SIPA1L1: variants seen among roughly 807,000 people sequenced by gnomAD.
The protein encoded by SIPA1L1 is signal induced proliferation associated 1 like 1.
Under a neutral mutation model 162.7 loss-of-function variants are expected in SIPA1L1, and 26 were observed. The observed-to-expected ratio is 0.16, with a 90% CI of 0.12 to 0.22. The LOEUF (loss-of-function observed/expected upper bound fraction) is 0.22, where lower values mean the gene tolerates loss of function less well. Among genes scored for constraint, SIPA1L1 ranks in the 10% least tolerant of loss-of-function variants. The pLI, the probability that SIPA1L1 is intolerant of heterozygous loss-of-function variation, is 1.00. For synonymous variants in SIPA1L1, 829 were observed against 837.4 expected (o/e 0.99, Z 0.17); for missense variants, 1,874 against 2,241.0 (o/e 0.84, Z 3.31).
At chr14:71,474,008 G>A (rs1441567232) in intron 2 of SIPA1L1, among the ~76,000 whole-genome samples, 1 of 152,216 alleles carries the variant, frequency 6.6e-6, no homozygotes, top group Non-Finnish European at 1.5e-5. Context: ...CTTCCATAGT[G>A]CAAAGGGTCC....
intron 2 of SIPA1L1, among the ~76,000 whole-genome samples, chr14:71,378,154 T>C (rs1045513178): frequency 5.3e-5 from 8 of 152,160 alleles, no homozygotes; most frequent in Non-Finnish European, 7.3e-5. Context: ...GTTTTGTTGA[T>C]ATGGTACTTT....
At chr14:71,412,013 C>T (rs1322467982) in intron 2 of SIPA1L1, among the ~76,000 whole-genome samples, 1 of 152,202 alleles carries the variant, frequency 6.6e-6, no homozygotes, top group Non-Finnish European at 1.5e-5. Flanking sequence ...TGCAGATCAG[C>T]TGCCAGCCAT....
intron 2 of SIPA1L1, among the ~76,000 whole-genome samples, chr14:71,487,028 A>T (rs1232478635): frequency 6.6e-6 from 1 of 152,194 alleles, no homozygotes; most frequent in Non-Finnish European, 1.5e-5. Context: ...AGCTACGCTG[A>T]TTCAGTACCA....
intron 2 of SIPA1L1, among the ~76,000 whole-genome samples, chr14:71,419,625 G>C (rs2043044862): frequency 6.6e-6 from 1 of 151,398 alleles, no homozygotes. Context: ...AGCCTCCCGA[G>C]TAGCTGGGAC....
chr14:71,576,942 G>C (rs2033120496), intron 4 of SIPA1L1, among the ~76,000 whole-genome samples: 1 of 151,996 alleles, frequency 6.6e-6, no homozygotes, highest in Non-Finnish European at 1.5e-5. Flanking sequence ...AATTAGCCAG[G>C]TGTGGTGGCG....
chr14:71,353,004 G>T (rs1198388917), intron 2 of SIPA1L1, among the ~76,000 whole-genome samples: 1 of 152,130 alleles, frequency 6.6e-6, no homozygotes, highest in Non-Finnish European at 1.5e-5. Context: ...TATTTTCATT[G>T]TGTTGTGGTT....
At position 71,671,162 on chromosome 14, in the gene SIPA1L1, C is replaced by A; in HGVS notation, c.2299C>A (p.Pro767Thr). The A allele has an allele frequency of 6.2e-7, 1 of 1,613,408 alleles. No individual in the cohort carries two copies. Among genetic ancestry groups the A allele is most frequent in the Non-Finnish European group, 8.5e-7 (1 of 1,179,478 alleles). Residue 767 changes from proline (P) to threonine (T), a missense_variant, in exon 11 of 24, where the codon CCC becomes ACC. By Grantham distance (38) the Pro-to-Thr change is conservative. Transcript: ENST00000381232. ...RSRDVPSFGPPIPKGVTFPKS... is the reference protein window; with the variant it reads ...RSRDVPSFGPTIPKGVTFPKS... ...CAGAGATGTGCCTTCCTTTGGGCCT[C>A]CCATTCCTAAAGGGGTCACTTTCCC...
intron 2 of SIPA1L1, among the ~76,000 whole-genome samples, chr14:71,397,559 G>A (rs576034758): frequency 6.6e-6 from 1 of 152,246 alleles, no homozygotes; most frequent in East Asian, 1.9e-4. Flanking sequence ...ATATGGTTTT[G>A]ATTGTGACAA....
chr14:71,669,141 G>A (rs372369925), intron 10 of SIPA1L1, among the ~76,000 whole-genome samples: 15 of 152,146 alleles, frequency 9.9e-5, no homozygotes, highest in Non-Finnish European at 1.5e-4. Context: ...CTGACTATGC[G>A]AAGCTGATTT....
At chr14:71,480,196 C>T (rs1411530481) in intron 2 of SIPA1L1, among the ~76,000 whole-genome samples, 1 of 151,272 alleles carries the variant, frequency 6.6e-6, no homozygotes, top group Non-Finnish European at 1.5e-5. Context: ...GATTCTCCTG[C>T]CTCAGCCTCC....
intron 17 of SIPA1L1, among the ~76,000 whole-genome samples, chr14:71,711,903 T>C (rs1348477595): frequency 6.6e-6 from 1 of 152,180 alleles, no homozygotes; most frequent in Admixed American, 6.5e-5. Context: ...ACCCACTCAT[T>C]TGAGTCACAT....
At chr14:71,367,867 A>G (rs1435780828) in intron 2 of SIPA1L1, among the ~76,000 whole-genome samples, 1 of 149,428 alleles carries the variant, frequency 6.7e-6, no homozygotes, top group Non-Finnish European at 1.5e-5. Flanking sequence ...TCGGCCTCCC[A>G]AAGTGCTGGG....
At chr14:71,327,803 G>GA (rs770724117) in intron 2 of SIPA1L1, among the ~76,000 whole-genome samples, 9 of 152,172 alleles carry the variant, frequency 5.9e-5, no homozygotes, top group Non-Finnish European at 7.3e-5. Flanking sequence ...GAAGACCTCA[G>GA]AAGCTTCTGC....
intron 2 of SIPA1L1, among the ~76,000 whole-genome samples, chr14:71,499,125 A>G (rs1655351300): frequency 6.6e-6 from 1 of 152,222 alleles, no homozygotes; most frequent in African/African-American, 2.4e-5. Flanking sequence ...TCCCACATTC[A>G]TCAAGTCATT....
chr14:71,478,411 T>C (rs2048056662), intron 2 of SIPA1L1, among the ~76,000 whole-genome samples: 1 of 152,076 alleles, frequency 6.6e-6, no homozygotes, highest in South Asian at 2.1e-4. Context: ...TAAAGTACAG[T>C]GGGGGTGATT....
chr14:71,650,598 C>A, intron 8 of SIPA1L1, 89 bp downstream of exon 8: 2 of 1,227,232 alleles, frequency 1.6e-6, no homozygotes, highest in Non-Finnish European at 2.3e-6. Flanking sequence ...AGCAACATTG[C>A]CATTTATCGC....
At position 71,542,516 on chromosome 14, in the gene SIPA1L1, TTCCTCC is replaced by T. The variant is rs575591890; in HGVS notation, c.-303+13155_-303+13160del. On this transcript the variant is annotated intron_variant, in intron 4 of 23. Transcript: ENST00000381232. ...CTTCTTCTCCTCGTCGTCCTTCCTC[TTCCTCC>T]TCCTCCTCTTCCTCCTCCTCTCTTC... Among the ~76,000 whole-genome samples, 19 of 144,740 alleles carry T rather than the reference TTCCTCC, an allele frequency of 1.3e-4. No homozygotes were observed. The East Asian group carries it at 3.1e-3, about 24-fold the overall frequency. 95.0% of individuals were successfully genotyped at this position (144,740 alleles called of 152,430 possible).
Position 71,377,080 on chromosome 14 carries a change from A to AG in SIPA1L1, c.-465+55903dup, listed in dbSNP as rs1289159256. ...CCCAGACGGGGTGGCAGCTGGGCAGAGGGGCTCCTCACTTTCCAGATGTGG... is the reference window on the plus strand; with the variant it reads ...CCCAGACGGGGTGGCAGCTGGGCAGAGGGGGCTCCTCACTTTCCAGATGTGG... On this transcript the variant is annotated intron_variant, in intron 2 of 23. Coordinates refer to ENST00000381232, the MANE Select transcript of SIPA1L1 (RefSeq NM_001386936.1). This position sits in a 1 kb window ranked among gnomAD's most constrained non-coding sequence, Gnocchi z 4.8. Among the ~76,000 whole-genome samples, 1 of 151,692 alleles carries AG rather than the reference A, an allele frequency of 6.6e-6. No homozygotes were observed. The highest frequency in any genetic ancestry group is 1.5e-5 in the Non-Finnish European group (1 of 67,982).
intron 2 of SIPA1L1, among the ~76,000 whole-genome samples, chr14:71,492,819 G>T (rs2049396389): frequency 6.6e-6 from 1 of 150,782 alleles, no homozygotes; most frequent in South Asian, 2.1e-4. Flanking sequence ...TAGGGATGGG[G>T]TCCACTCTAT....
Sources: allele counts gnomAD v4.1 joint callset (sites outside exome capture counted in the v4.1 genomes callset), GRCh38; gene constraint gnomAD v4.1.1; non-coding constraint Gnocchi (gnomAD v3.1); transcripts MANE v1.5; gene names NCBI Gene and HGNC (gene_info 2026-07-23, HGNC 2026-07-21).